The following OPRM1 variants were observed in gnomAD, a reference collection of about 807,000 sequenced individuals.
The protein encoded by OPRM1 is opioid receptor mu 1, also known as mu-type opioid receptor.
OPRM1 carries 27 observed loss-of-function variants against 31.8 expected under a neutral mutation model. The ratio of observed to expected loss-of-function variants is 0.85; its 90% CI spans 0.63 to 1.17. The LOEUF (loss-of-function observed/expected upper bound fraction) is 1.17. OPRM1 is among the 50% of genes most tolerant of loss of function. The pLI is 0.00. For missense variants in OPRM1, 536 were observed against 511.1 expected (o/e 1.05, Z -0.47); for synonymous variants, 196 against 189.9 (o/e 1.03, Z -0.26).
At chr6:154,052,649 T>C (rs1782439253) in intron 1 of OPRM1, among the ~76,000 whole-genome samples, 1 of 152,238 alleles carries the variant, frequency 6.6e-6, no homozygotes, top group Non-Finnish European at 1.5e-5. Flanking sequence ...AGCTGTCATT[T>C]GCCAAACTCT....
rs148369441 is a variant in OPRM1 at position 154,029,570 on chromosome 6, A to C, written c.1-9591A>C. On this transcript the variant is annotated intron_variant, in intron 1 of 5. Coordinates refer to the OPRM1 transcript ENST00000434900. ...AAAAAATAAAGACTTAAACACTTGC[A>C]GCTATATTAAAGGATATGTTAATAT... 1.0e-3 allele frequency among the ~76,000 whole-genome samples: 154 copies of C among 152,372 alleles called. 1 individual carries two copies. The highest frequency in any genetic ancestry group is 3.4e-3 in the African/African-American group (142 of 41,592).
At chr6:154,016,126 G>T (rs1425119595) in intron 1 of OPRM1, among the ~76,000 whole-genome samples, 2 of 152,082 alleles carry the variant, frequency 1.3e-5, no homozygotes, top group Non-Finnish European at 2.9e-5. Flanking sequence ...AGACACAGTG[G>T]CAAAAATCCA....
intron 3 of OPRM1, among the ~76,000 whole-genome samples, chr6:154,182,885 G>A (rs556848500): frequency 1.3e-5 from 2 of 152,232 alleles, no homozygotes; most frequent in East Asian, 1.9e-4. Context: ...AACACTTCAG[G>A]TCAAGAACAG....
At chr6:154,221,741 G>A (rs2128617158) in intron 3 of OPRM1, among the ~76,000 whole-genome samples, 1 of 152,226 alleles carries the variant, frequency 6.6e-6, no homozygotes, top group South Asian at 2.1e-4. Context: ...GGGCATGGTG[G>A]CGGGCACCTC....
chr6:154,223,254 T>C (rs779836074), intron 3 of OPRM1: 2 of 1,604,284 alleles, frequency 1.2e-6, no homozygotes, highest in Non-Finnish European at 1.7e-6. Context: ...CTGAAACAAA[T>C]ATATACCACA....
downstream of OPRM1, among the ~76,000 whole-genome samples, chr6:154,133,838 A>G (rs604844): frequency 0.66 from 100,058 of 152,044 alleles, 33,310 homozygotes; most frequent in East Asian, 0.9. Flanking sequence ...ACTGACTGCT[A>G]TTCTTGACCC....
At chr6:154,063,980 CG>C (rs1175427368) in intron 1 of OPRM1, among the ~76,000 whole-genome samples, 6 of 151,774 alleles carry the variant, frequency 4.0e-5, no homozygotes, top group Non-Finnish European at 8.8e-5. Flanking sequence ...TTGTGGAGAC[CG>C]TGTTTTCAAT....
At chr6:154,116,894 C>T (rs1468702908) in intron 3 of OPRM1, among the ~76,000 whole-genome samples, 1 of 152,186 alleles carries the variant, frequency 6.6e-6, no homozygotes, top group Non-Finnish European at 1.5e-5. Context: ...CTTGGATCTG[C>T]ATCTTGGTAC....
chr6:154,221,667 A>G (rs1778871664), intron 3 of OPRM1, among the ~76,000 whole-genome samples: 1 of 152,022 alleles, frequency 6.6e-6, no homozygotes, highest in South Asian at 2.1e-4. Flanking sequence ...AGGTCAGGAG[A>G]TCGAGACCAT....
At chr6:154,172,220 T>A (rs1799931340) in intron 3 of OPRM1, among the ~76,000 whole-genome samples, 1 of 152,220 alleles carries the variant, frequency 6.6e-6, no homozygotes, top group African/African-American at 2.4e-5. Flanking sequence ...CCCAGTGAAA[T>A]CAATGCAGAA....
At chr6:154,041,403 C>T (rs1780032349) in intron 1 of OPRM1, among the ~76,000 whole-genome samples, 1 of 152,058 alleles carries the variant, frequency 6.6e-6, no homozygotes, top group Non-Finnish European at 1.5e-5. Flanking sequence ...TTTAATTTTG[C>T]AGTTATGACA....
chr6:154,205,402 C>T (rs1777408325), intron 3 of OPRM1, among the ~76,000 whole-genome samples: 1 of 152,102 alleles, frequency 6.6e-6, no homozygotes, highest in Non-Finnish European at 1.5e-5. Flanking sequence ...CAAGACCAGC[C>T]TGGTCAATAT....
At chr6:154,073,404 G>A (rs976143306) in intron 1 of OPRM1, 1 of 152,234 alleles carries the variant, frequency 6.6e-6, no homozygotes, top group Non-Finnish European at 1.5e-5. Context: ...ATCGAAATCA[G>A]ATGACCAGCC....
intron 3 of OPRM1, among the ~76,000 whole-genome samples, chr6:154,180,414 A>ATATATATATATTTTTTTT (rs1241250621): frequency 1.5e-5 from 1 of 65,268 alleles, no homozygotes; most frequent in Admixed American, 1.4e-4. Context: ...ATATATATAT[A>ATATATATATATTTTTTTT]TTTTTTTTTT....
chr6:154,139,463 T>C (rs964618545), intron 3 of OPRM1, among the ~76,000 whole-genome samples: 10 of 152,174 alleles, frequency 6.6e-5, no homozygotes, highest in African/African-American at 2.4e-4. Context: ...CTGGAGCACA[T>C]TATAAACCAG....
At chr6:154,010,765 G>T in exon 1 of OPRM1, 1 of 1,418,152 alleles carries the variant, frequency 7.1e-7, no homozygotes, top group Non-Finnish European at 9.2e-7. Flanking sequence ...CTACAAACAA[G>T]AGAATTCGGT....
chr6:154,024,491 T>G (rs1562374277), intron 1 of OPRM1, among the ~76,000 whole-genome samples: 2 of 151,948 alleles, frequency 1.3e-5, no homozygotes, highest in Admixed American at 1.3e-4. Flanking sequence ...AAAACCTCAT[T>G]TTTTGTTTTG....
At chr6:154,149,837 C>G (rs1798453009) in intron 3 of OPRM1, among the ~76,000 whole-genome samples, 1 of 152,136 alleles carries the variant, frequency 6.6e-6, no homozygotes, top group Non-Finnish European at 1.5e-5. Flanking sequence ...ACAGTGCTGC[C>G]ATCTGGCCTC....
chr6:154,138,223 G>A (rs537293375), intron 3 of OPRM1, among the ~76,000 whole-genome samples: 21 of 151,264 alleles, frequency 1.4e-4, no homozygotes, highest in African/African-American at 3.6e-4. Flanking sequence ...GATTAAATTA[G>A]ACAGTATGCA....
Sources: gnomAD v4.1 joint callset for allele counts (sites outside exome capture counted in the v4.1 genomes callset) on GRCh38, gnomAD v4.1.1 for gene constraint, MANE v1.5 for transcripts, NCBI Gene and HGNC (gene_info 2026-07-23, HGNC 2026-07-21) for gene names.